The following PLPPR1 variants were observed in gnomAD, a reference collection of about 807,000 sequenced individuals.
PLPPR1 encodes the protein phospholipid phosphatase related 1, also known as phospholipid phosphatase-related protein type 1.
Under a neutral mutation model 33.1 loss-of-function variants are expected in PLPPR1, and 10 were observed. The ratio of observed to expected loss-of-function variants is 0.30; its 90% CI spans 0.19 to 0.51. The LOEUF is 0.51. Ranked by LOEUF, PLPPR1 falls within the 20% of genes least tolerant of loss-of-function variation. The pLI, the probability that PLPPR1 is intolerant of heterozygous loss-of-function variation, is 0.97. For missense variants in PLPPR1, 304 were observed against 408.1 expected, an observed-to-expected ratio of 0.74 and a Z score of 2.20; for synonymous variants, 151 against 151.0, an observed-to-expected ratio of 1.00 and a Z score of 0.00.
rs1457992235 is a variant in PLPPR1 at position 101,219,247 on chromosome 9, G to A, written c.63+33690G>A. Among the ~76,000 whole-genome samples, 3 of 152,196 alleles carry A rather than the reference G, an allele frequency of 2.0e-5. No homozygotes were observed. In the East Asian group the frequency reaches 5.8e-4, roughly 29 times the overall value. On this transcript the variant is annotated intron_variant, in intron 2 of 7. Transcript: ENST00000374874. ...GTAGATAGATGGTCCGTGGAGGTTC[G>A]CAGTTGGGTTACTTTAAGCAATTCT...
intron 4 of PLPPR1, among the ~76,000 whole-genome samples, chr9:101,288,943 C>G (rs1460702903): frequency 1.3e-5 from 2 of 152,190 alleles, no homozygotes; most frequent in African/African-American, 4.8e-5. Flanking sequence ...AAAATATGAG[C>G]AAGTCAATTC....
At chr9:101,093,955 G>C (rs1415029833) in intron 1 of PLPPR1, among the ~76,000 whole-genome samples, 1 of 152,112 alleles carries the variant, frequency 6.6e-6, no homozygotes, top group Admixed American at 6.6e-5. Context: ...TTGTTCATGT[G>C]ATCATCAAAT....
Position 101,324,113 on chromosome 9 carries a change from A to T in PLPPR1, c.*56A>T. On this transcript the variant is annotated 3_prime_UTR_variant, in exon 8 of 8. Coordinates refer to ENST00000374874, the MANE Select transcript of PLPPR1 (RefSeq NM_207299.2). ...AAATCATCTTCCAATTCTATACTTCAAAACACACAGTTGCTCAATGTCAAA... is the reference window on the plus strand; with the variant it reads ...AAATCATCTTCCAATTCTATACTTCTAAACACACAGTTGCTCAATGTCAAA... The T allele has an allele frequency of 7.0e-7, 1 of 1,434,904 alleles. No individual in the cohort carries two copies. Among genetic ancestry groups the T allele is most frequent in the Admixed American group, 1.7e-5 (1 of 59,144 alleles). The allele number at this position is 1,434,904 out of a possible 1,614,324, so 88.9% of individuals were successfully genotyped here.
chr9:101,265,869 G>C (rs770178705), intron 2 of PLPPR1, among the ~76,000 whole-genome samples: 32 of 151,986 alleles, frequency 2.1e-4, no homozygotes, highest in Non-Finnish European at 3.1e-4. Context: ...GGTGGTGTGC[G>C]CCTGTAATCC....
At chr9:101,096,238 C>G (rs7863051) in intron 1 of PLPPR1, among the ~76,000 whole-genome samples, 106,878 of 152,068 alleles carry the variant, frequency 0.7, 37,707 homozygotes, top group East Asian at 0.89. Flanking sequence ...CAGGAAAGGG[C>G]CTGGGGGCCA....
At chr9:101,128,471 A>T (rs1831274241) in intron 1 of PLPPR1, among the ~76,000 whole-genome samples, 1 of 152,212 alleles carries the variant, frequency 6.6e-6, no homozygotes, top group South Asian at 2.1e-4. Context: ...CAGGCAGTTT[A>T]CTGAGTGCCA....
intron 2 of PLPPR1, among the ~76,000 whole-genome samples, chr9:101,219,457 ATC>A (rs1277759945): frequency 6.6e-6 from 1 of 152,216 alleles, no homozygotes; most frequent in Non-Finnish European, 1.5e-5. Context: ...ATCTAGGAAT[ATC>A]TGTTAGACTG....
chr9:101,321,011 C>T (rs1055468567), intron 7 of PLPPR1, among the ~76,000 whole-genome samples: 11 of 152,168 alleles, frequency 7.2e-5, no homozygotes, highest in African/African-American at 2.7e-4. Flanking sequence ...GTATACTGAA[C>T]CTGAGCTACA....
At chr9:101,102,182 A>C (rs1284136169) in intron 1 of PLPPR1, among the ~76,000 whole-genome samples, 1 of 121,124 alleles carries the variant, frequency 8.3e-6, no homozygotes, top group Non-Finnish European at 1.6e-5. Flanking sequence ...TTTAGGGTAC[A>C]TGTGCACATT....
At chr9:101,075,251 A>C (rs1020818808) in intron 1 of PLPPR1, among the ~76,000 whole-genome samples, 4 of 152,214 alleles carry the variant, frequency 2.6e-5, no homozygotes, top group African/African-American at 9.6e-5. Flanking sequence ...ATCACAGATA[A>C]TAGCCTCACA....
At chr9:101,178,812 C>T (rs916738175) in intron 1 of PLPPR1, among the ~76,000 whole-genome samples, 3 of 152,220 alleles carry the variant, frequency 2.0e-5, no homozygotes, top group African/African-American at 7.2e-5. Context: ...TTCATGAGTC[C>T]AGGAATCAAG....
chr9:101,089,328 G>A (rs984351691), intron 1 of PLPPR1, among the ~76,000 whole-genome samples: 4 of 151,662 alleles, frequency 2.6e-5, no homozygotes, highest in Middle Eastern at 3.4e-3. Flanking sequence ...TAGATAGATA[G>A]ATAGTAGTTA....
chr9:101,282,828 C>T lies in PLPPR1; in HGVS notation c.253-3276C>T, dbSNP rs572833150. On this transcript the variant is annotated intron_variant, in intron 3 of 7. Transcript: ENST00000374874. ...TACAAAAAATACTTAGGAATTTAAC[C>T]AAAGAGATGAAAAGTATCTACAATG... Among the ~76,000 whole-genome samples the T allele has an allele frequency of 2.6e-5, 4 of 151,880 alleles. No individual in the cohort carries two copies. The East Asian group carries it at 7.7e-4, about 29-fold the overall frequency.
intron 1 of PLPPR1, among the ~76,000 whole-genome samples, chr9:101,142,307 C>G (rs1478649998): frequency 1.3e-5 from 2 of 152,160 alleles, no homozygotes; most frequent in Non-Finnish European, 1.5e-5. Context: ...TTTTGAGTGA[C>G]TTAATACAAA....
At chr9:101,242,359 A>G (rs1827490984) in intron 2 of PLPPR1, among the ~76,000 whole-genome samples, 1 of 151,910 alleles carries the variant, frequency 6.6e-6, no homozygotes, top group Non-Finnish European at 1.5e-5. Context: ...CCTCTCAGTG[A>G]GAGAAGCAGC....
At chr9:101,210,429 G>C (rs1290476882) in intron 2 of PLPPR1, among the ~76,000 whole-genome samples, 2 of 152,154 alleles carry the variant, frequency 1.3e-5, no homozygotes, top group Non-Finnish European at 2.9e-5. Flanking sequence ...AGACAAGTCT[G>C]TGCCTCGCCA....
intron 1 of PLPPR1, among the ~76,000 whole-genome samples, chr9:101,076,631 C>G (rs1457534464): frequency 6.6e-6 from 1 of 152,150 alleles, no homozygotes; most frequent in African/African-American, 2.4e-5. Flanking sequence ...TCTTTGAGTA[C>G]TAATGTCTTA....
At chr9:101,291,438 G>A (rs1828505241) in intron 4 of PLPPR1, among the ~76,000 whole-genome samples, 1 of 152,182 alleles carries the variant, frequency 6.6e-6, no homozygotes, top group African/African-American at 2.4e-5. Flanking sequence ...AAAGAGCAGT[G>A]GTTCTCCCAG....
intron 2 of PLPPR1, among the ~76,000 whole-genome samples, chr9:101,224,832 T>G (rs1355170511): frequency 6.6e-6 from 1 of 152,096 alleles, no homozygotes; most frequent in East Asian, 1.9e-4. Flanking sequence ...GGGTGTGGTG[T>G]GAGTGTCCCT....
Sources: allele counts gnomAD v4.1 joint callset (sites outside exome capture counted in the v4.1 genomes callset), GRCh38; gene constraint gnomAD v4.1.1; transcripts MANE v1.5; gene names NCBI Gene and HGNC (gene_info 2026-07-23, HGNC 2026-07-21).